LINGO2: variants seen among roughly 807,000 people sequenced by gnomAD.
The protein encoded by LINGO2 is leucine-rich repeat and immunoglobulin-like domain-containing nogo receptor-interacting protein 2.
In LINGO2, 14 loss-of-function variants were observed where a neutral mutation model predicts 30.6. That is an observed-to-expected ratio of 0.46 (90% CI 0.30 to 0.72). The LOEUF (loss-of-function observed/expected upper bound fraction) is 0.72, where lower values mean the gene tolerates loss of function less well. LINGO2 is among the 30% of genes least tolerant of loss of function. The probability of loss-of-function intolerance (pLI) is 0.07; values close to 1 mark genes in which losing one functional copy is unlikely to be tolerated. For synonymous variants in LINGO2, 317 were observed against 288.5 expected, an observed-to-expected ratio of 1.10 and a Z score of -1.00; for missense variants, 729 against 751.7, an observed-to-expected ratio of 0.97 and a Z score of 0.35.
chr9:28,150,508 C>T (rs747527928), intron 4 of LINGO2, among the ~76,000 whole-genome samples: 9 of 152,084 alleles, frequency 5.9e-5, no homozygotes, highest in Non-Finnish European at 1.2e-4. Flanking sequence ...GGCTTGAACC[C>T]GGGAGGTGGA....
intron 4 of LINGO2, among the ~76,000 whole-genome samples, chr9:28,087,995 C>A (rs75098562): frequency 0.034 from 5,198 of 152,026 alleles, 149 homozygotes; most frequent in Non-Finnish European, 0.054. Flanking sequence ...CATACTATTC[C>A]TTGACAGTTC....
chr9:28,760,158 T>A, the LINGO2 span, among the ~76,000 whole-genome samples: 9 of 152,204 alleles, frequency 5.9e-5, no homozygotes, highest in African/African-American at 2.2e-4. Flanking sequence ...TGAGCATAGA[T>A]GAAATCAAAT....
At chr9:28,124,968 A>G (rs1827197593) in intron 4 of LINGO2, among the ~76,000 whole-genome samples, 1 of 152,226 alleles carries the variant, frequency 6.6e-6, no homozygotes, top group Non-Finnish European at 1.5e-5. Context: ...CACTAAACAC[A>G]TAGAATGAGA....
At chr9:28,503,254 T>C (rs891392910) in intron 1 of LINGO2, among the ~76,000 whole-genome samples, 1 of 152,038 alleles carries the variant, frequency 6.6e-6, no homozygotes, top group Non-Finnish European at 1.5e-5. Flanking sequence ...AGTATATAAA[T>C]ACATTATAAA....
the LINGO2 span, among the ~76,000 whole-genome samples, chr9:29,155,095 TA>T: frequency 6.6e-6 from 1 of 152,212 alleles, no homozygotes; most frequent in Admixed American, 6.5e-5. Context: ...TTGCATACAA[TA>T]TTTTTTTCTT....
intron 4 of LINGO2, among the ~76,000 whole-genome samples, chr9:28,177,103 T>G (rs948903065): frequency 6.6e-6 from 1 of 152,220 alleles, no homozygotes; most frequent in Non-Finnish European, 1.5e-5. Context: ...AAGATGTGGA[T>G]GCATCTATAG....
chr9:28,342,236 T>G (rs1825791409), intron 3 of LINGO2, among the ~76,000 whole-genome samples: 1 of 152,194 alleles, frequency 6.6e-6, no homozygotes, highest in African/African-American at 2.4e-5. Flanking sequence ...GTTTCAACCC[T>G]GTCTTCTAAT....
chr9:28,449,652 G>A (rs928825467), intron 2 of LINGO2, among the ~76,000 whole-genome samples: 3 of 151,728 alleles, frequency 2.0e-5, no homozygotes, highest in East Asian at 1.9e-4. Context: ...ATTACCATAC[G>A]ACGAGTCTGG....
the LINGO2 span, among the ~76,000 whole-genome samples, chr9:29,184,118 A>C: frequency 5.3e-5 from 8 of 152,124 alleles, no homozygotes; most frequent in Non-Finnish European, 1.0e-4. Context: ...TTTCATATGG[A>C]AACATTCTTG....
chr9:28,482,468 GTTGT>G (rs1260661276), intron 1 of LINGO2, among the ~76,000 whole-genome samples: 1 of 151,984 alleles, frequency 6.6e-6, no homozygotes, highest in Non-Finnish European at 1.5e-5. Context: ...TTTTGATGGG[GTTGT>G]TTGTTTTTTT....
chr9:28,454,543 T>A (rs1462491424), intron 2 of LINGO2, among the ~76,000 whole-genome samples: 1 of 152,036 alleles, frequency 6.6e-6, no homozygotes, highest in East Asian at 1.9e-4. Flanking sequence ...AATGTTGCAT[T>A]TAAACAGGTT....
At chr9:28,915,117 C>A in the LINGO2 span, among the ~76,000 whole-genome samples, 6,241 of 151,962 alleles carry the variant, frequency 0.041, 197 homozygotes, top group Admixed American at 0.082. Context: ...GGCGACAGAG[C>A]GAGACTCTGT....
At chr9:28,109,976 G>T (rs921138603) in intron 4 of LINGO2, among the ~76,000 whole-genome samples, 1 of 152,082 alleles carries the variant, frequency 6.6e-6, no homozygotes, top group Non-Finnish European at 1.5e-5. Context: ...GAGGCATCAT[G>T]CTACCTGTTT....
intron 4 of LINGO2, among the ~76,000 whole-genome samples, chr9:28,162,885 A>G (rs1828325951): frequency 6.6e-6 from 1 of 152,116 alleles, no homozygotes; most frequent in African/African-American, 2.4e-5. Context: ...TAGGGTAAGA[A>G]ATTTCCAGAC....
chr9:28,448,094 G>C (rs1349984473), intron 2 of LINGO2, among the ~76,000 whole-genome samples: 1 of 152,206 alleles, frequency 6.6e-6, no homozygotes, highest in Middle Eastern at 3.4e-3. Flanking sequence ...GGTACGTGCA[G>C]GGAGAGAGAC....
chr9:28,007,053 CT>C (rs974238440), intron 5 of LINGO2, among the ~76,000 whole-genome samples: 1 of 152,152 alleles, frequency 6.6e-6, no homozygotes, highest in Admixed American at 6.6e-5. Context: ...TTTCACTAGT[CT>C]GTTAGTTTGC....
intron 1 of LINGO2, among the ~76,000 whole-genome samples, chr9:28,646,978 C>A (rs2135956258): frequency 6.6e-6 from 1 of 152,098 alleles, no homozygotes; most frequent in South Asian, 2.1e-4. Context: ...GACATAATTC[C>A]AGAATGTGGT....
chr9:28,372,248 G>A (rs2134575744), intron 3 of LINGO2, among the ~76,000 whole-genome samples: 1 of 152,282 alleles, frequency 6.6e-6, no homozygotes, highest in Non-Finnish European at 1.5e-5. Flanking sequence ...CATGAGTGAG[G>A]AAAATAAAAA....
chr9:29,125,010 C>A, the LINGO2 span, among the ~76,000 whole-genome samples: 2 of 152,034 alleles, frequency 1.3e-5, no homozygotes, highest in African/African-American at 2.4e-5. Context: ...TGGAACCAAC[C>A]AAATATCCAT....
Sources: allele counts gnomAD v4.1 joint callset (sites outside exome capture counted in the v4.1 genomes callset), GRCh38; gene constraint gnomAD v4.1.1; transcripts MANE v1.5; gene names NCBI Gene and HGNC (gene_info 2026-07-23, HGNC 2026-07-21).